Variants in TCF4 observed in about 807,000 individuals in gnomAD.
The protein encoded by TCF4 is SL3-3 enhancer factor 2.
TCF4 carries 3 observed loss-of-function variants against 82.1 expected under a neutral mutation model. That is an observed-to-expected ratio of 0.04 (90% CI 0.02 to 0.09). The LOEUF (loss-of-function observed/expected upper bound fraction) is 0.09, where lower values mean the gene tolerates loss of function less well. Among genes scored for constraint, TCF4 ranks in the 10% least tolerant of loss-of-function variants. The pLI, the probability that TCF4 is intolerant of heterozygous loss-of-function variation, is 1.00. For missense variants in TCF4, 518 were observed against 852.7 expected (o/e 0.61, Z 4.89); for synonymous variants, 276 against 309.6 (o/e 0.89, Z 1.14).
intron 15 of TCF4, among the ~76,000 whole-genome samples, chr18:55,242,900 G>A (rs568706201): frequency 8.5e-5 from 13 of 152,234 alleles, no homozygotes; most frequent in East Asian, 1.9e-4. Context: ...GAACCACCGC[G>A]CCTAGCCCAG....
At chr18:55,350,308 CA>C in intron 8 of TCF4, 50 bp downstream of exon 8, 1 of 1,578,462 alleles carries the variant, frequency 6.3e-7, no homozygotes, top group Non-Finnish European at 8.7e-7. Context: ...CCCATCAATA[CA>C]AAACAGAACA....
intron 2 of TCF4, among the ~76,000 whole-genome samples, chr18:55,621,915 T>A (rs8091910): frequency 2.5e-5 from 2 of 78,440 alleles, no homozygotes; most frequent in African/African-American, 5.3e-5. Flanking sequence ...CACTATATAT[T>A]ATATATACAC....
chr18:55,481,215 C>T (rs2096424024), intron 3 of TCF4, among the ~76,000 whole-genome samples: 1 of 151,826 alleles, frequency 6.6e-6, no homozygotes, highest in South Asian at 2.1e-4. Context: ...ATTTCTCTAA[C>T]TCCATTTCAA....
At chr18:55,400,795 A>C in intron 6 of TCF4, 3 of 400,364 alleles carry the variant, frequency 7.5e-6, no homozygotes, top group Non-Finnish European at 1.3e-5. Flanking sequence ...CTGTCTCTAC[A>C]CCAAACAAAA....
intron 5 of TCF4, among the ~76,000 whole-genome samples, chr18:55,437,201 T>C (rs1432315883): frequency 6.6e-6 from 1 of 152,220 alleles, no homozygotes; most frequent in Non-Finnish European, 1.5e-5. Context: ...TTTTTCTAAA[T>C]TGGTAAAAAT....
chr18:55,311,535 AC>A (rs1309430828), intron 8 of TCF4, among the ~76,000 whole-genome samples: 2 of 152,216 alleles, frequency 1.3e-5, no homozygotes, highest in Non-Finnish European at 2.9e-5. Flanking sequence ...ACAAATATCC[AC>A]TTTGATTTTC....
exon 1 of TCF4, chr18:55,635,863 A>T: frequency 6.4e-7 from 1 of 1,567,252 alleles, no homozygotes; most frequent in Non-Finnish European, 8.7e-7. Flanking sequence ...GAGGAGAGGC[A>T]CCTGTGGTAT....
At chr18:55,375,792 A>C (rs933306915) in intron 6 of TCF4, among the ~76,000 whole-genome samples, 6 of 152,114 alleles carry the variant, frequency 3.9e-5, no homozygotes, top group African/African-American at 1.4e-4. Context: ...ACAAAGAATA[A>C]AATTAACAAA....
chr18:55,303,808 A>T (rs927252988), intron 8 of TCF4, among the ~76,000 whole-genome samples: 2 of 152,228 alleles, frequency 1.3e-5, no homozygotes, highest in Non-Finnish European at 2.9e-5. Flanking sequence ...TCAAGATTTA[A>T]TAAAAATTAA....
chr18:55,309,369 G>A (rs542465365), intron 8 of TCF4, among the ~76,000 whole-genome samples: 208 of 151,542 alleles, frequency 1.4e-3, no homozygotes, highest in African/African-American at 4.5e-3. Flanking sequence ...CAATCCTCCC[G>A]CTTCAGCTTC....
intron 3 of TCF4, among the ~76,000 whole-genome samples, chr18:55,562,190 GA>G (rs2097361012): frequency 6.6e-6 from 1 of 152,204 alleles, no homozygotes; most frequent in Non-Finnish European, 1.5e-5. Flanking sequence ...TACAAAGCCA[GA>G]AAGATTTACC....
chr18:55,257,564 T>C, intron 13 of TCF4, 173 bp from the exon 14 acceptor site: 1 of 662,068 alleles, frequency 1.5e-6, no homozygotes, highest in East Asian at 2.7e-5. Context: ...GAAAACATTT[T>C]AAATGTAAAA....
chr18:55,470,187 C>T (rs949287262), intron 3 of TCF4, among the ~76,000 whole-genome samples: 1 of 152,186 alleles, frequency 6.6e-6, no homozygotes, highest in Non-Finnish European at 1.5e-5. Flanking sequence ...TTGTTAAACA[C>T]TTAGGAAAGT....
chr18:55,270,833 C>T (rs1236960841), intron 10 of TCF4, among the ~76,000 whole-genome samples: 1 of 151,984 alleles, frequency 6.6e-6, no homozygotes, highest in East Asian at 1.9e-4. Flanking sequence ...TAGTAATTTA[C>T]AAAAAAGTGC....
At chr18:55,515,852 C>T (rs1268160945) in intron 3 of TCF4, among the ~76,000 whole-genome samples, 2 of 152,018 alleles carry the variant, frequency 1.3e-5, no homozygotes, top group African/African-American at 2.4e-5. Flanking sequence ...TTTAAAAATC[C>T]ATCTTTAATT....
chr18:55,321,599 C>T, intron 8 of TCF4: 4 of 1,534,296 alleles, frequency 2.6e-6, no homozygotes, highest in Middle Eastern at 1.7e-4. Context: ...ACAATGATCA[C>T]CACCTAGGAT....
chr18:55,294,075 CACGGTGAAACTCCATCTCTACTAAAAAT>C (rs1362750919), intron 8 of TCF4, among the ~76,000 whole-genome samples: 1 of 149,846 alleles, frequency 6.7e-6, no homozygotes, highest in Non-Finnish European at 1.5e-5. Flanking sequence ...GCCTGGCCAA[CACGGTGAAACTCCATCTCTACTAAAAAT>C]ACAAAAATTA....
At chr18:55,524,864 A>T (rs182179974) in intron 3 of TCF4, among the ~76,000 whole-genome samples, 2 of 152,188 alleles carry the variant, frequency 1.3e-5, no homozygotes, top group Non-Finnish European at 2.9e-5. Flanking sequence ...ACAATGGTCA[A>T]TTATCTAATT....
At position 55,377,529 on chromosome 18, in the gene TCF4, T is replaced by C. The variant is rs551680752; in HGVS notation, c.369+25925A>G. On this transcript the variant is annotated intron_variant, in intron 6 of 19. Transcript: ENST00000354452. ...TGGGAAGAAATGTTATTTTAAGTAG[T>C]TGTACTTACGTTTAACTGATACAAA... is the stretch of plus-strand genomic sequence containing the variant. Among the ~76,000 whole-genome samples the C allele has an allele frequency of 7.2e-4, 109 of 152,362 alleles. 2 individuals are homozygous for C. In the South Asian group the frequency reaches 0.022, roughly 30 times the overall value.
Sources: gnomAD v4.1 joint callset for allele counts (sites outside exome capture counted in the v4.1 genomes callset) on GRCh38, gnomAD v4.1.1 for gene constraint, MANE v1.5 for transcripts, NCBI Gene and HGNC (gene_info 2026-07-23, HGNC 2026-07-21) for gene names.